The following MYH2 variants were observed in gnomAD, a reference collection of about 807,000 sequenced individuals.
MYH2 encodes myosin-2.
Under a neutral mutation model 228.1 loss-of-function variants are expected in MYH2, and 139 were observed. That is an observed-to-expected ratio of 0.61 (90% CI 0.53 to 0.70). The LOEUF (loss-of-function observed/expected upper bound fraction) is 0.70, where lower values mean the gene tolerates loss of function less well. MYH2 is among the 30% of genes least tolerant of loss of function. MYH2 has a pLI of 0.00. For missense variants in MYH2, 1,809 were observed against 2,357.5 expected, an observed-to-expected ratio of 0.77 and a Z score of 4.82; for synonymous variants, 796 against 871.1, an observed-to-expected ratio of 0.91 and a Z score of 1.52.
intron 16 of MYH2, 144 bp from the exon 17 acceptor site, chr17:10,536,750 C>A: frequency 2.6e-6 from 2 of 781,254 alleles, no homozygotes; most frequent in Non-Finnish European, 4.2e-6. Flanking sequence ...TCTTATTTTT[C>A]AACTAAGTTT....
At position 10,529,883 on chromosome 17, in the gene MYH2, A is replaced by G. The variant is rs146355976; in HGVS notation, c.2889T>C (p.Leu963=). The G allele has an allele frequency of 8.2e-4, 1,315 of 1,613,482 alleles. 6 individuals carry two copies. Among genetic ancestry groups the G allele is most frequent in the South Asian group, 5.2e-3 (473 of 91,064 alleles). The change falls in exon 23 of 40, where the codon CTT becomes CTC. Residue 963 remains leucine, a synonymous_variant. Coordinates refer to ENST00000245503, the MANE Select transcript of MYH2 (RefSeq NM_017534.6). The part of the protein sequence containing the change: ...CSELKKDIDD[L]ELTLAKVEKE... ...TCTCAACCTTGGCCAGTGTCAGCTC[A>G]AGGTCATCAATGTCTTTCTTGAGTT...
rs1211195455 is a variant in MYH2 at position 10,543,903 on chromosome 17, T to C, written c.647A>G (p.Gln216Arg). Residue 216 changes from glutamine (Q) to arginine (R), a missense_variant and splice_region_variant, in exon 7 of 40, where the codon CAG (glutamine) becomes CGG (arginine). This residue lies in a region of MYH2 where 373 missense variants were observed against 620.4 expected (regional missense o/e 0.60). Transcript: ENST00000245503. ...KKEEITSGKI[Q>R]GTLEDQIISA... is the part of the protein sequence containing the mutation. ...TCTGACTGTGACAATCAGACTCACC[T>C]GTATTTTGCCAGAAGTAATTTCTTC... 1.9e-6 allele frequency: 3 copies of C among 1,614,062 alleles called. No homozygotes were observed. The highest frequency in any genetic ancestry group is 2.7e-5 in the African/African-American group (2 of 74,926).
chr17:10,542,874 C>A lies in MYH2; in HGVS notation c.904+1G>T, dbSNP rs879255253. ...TGGAAAAGAATTATGACATTTCTTA[C>A]CAATAAGTTCTGGTTTCTTATTCGA... On this transcript the variant is annotated splice_donor_variant, in intron 10 of 39. Coordinates refer to ENST00000245503, the MANE Select transcript of MYH2 (RefSeq NM_017534.6). LOFTEE classifies it high-confidence loss of function. 1.3e-6 allele frequency: 2 copies of A among 1,576,308 alleles called. No homozygotes were observed. The highest frequency in any genetic ancestry group is 1.1e-5 in the South Asian group (1 of 90,152).
chr17:10,539,498 G>A lies in MYH2; in HGVS notation c.1212C>T (p.Tyr404=). Residue 404 remains tyrosine, a synonymous_variant, in exon 13 of 40, where the codon TAC becomes TAT. Transcript: ENST00000245503. Reference sequence around the variant, plus strand: ...ACTCATTGCCGACCTTGACCCTGGGGTAGCAGAGAGCTTTGAGCAGATCTG... The same window carrying A: ...ACTCATTGCCGACCTTGACCCTGGGATAGCAGAGAGCTTTGAGCAGATCTG... ...NSADLLKALC[Y]PRVKVGNEYV... is the part of the protein sequence containing the mutation. 2.5e-6 allele frequency: 4 copies of A among 1,614,148 alleles called. No individual in the cohort carries two copies. The highest frequency in any genetic ancestry group is 3.4e-6 in the Non-Finnish European group (4 of 1,180,030).
At position 10,535,287 on chromosome 17, in the gene MYH2, T is replaced by C; in HGVS notation, c.2053A>G (p.Lys685Glu). The C allele has an allele frequency of 6.2e-7, 1 of 1,614,158 alleles. No homozygotes were observed. The highest frequency in any genetic ancestry group is 8.5e-7 in the Non-Finnish European group (1 of 1,180,018). The change falls in exon 18 of 40, where the codon AAA becomes GAA. Residue 685 changes from lysine to glutamate, a missense_variant. Physicochemically the swap from Lys to Glu is moderately conservative, Grantham distance 56 (BLOSUM62 1). Coordinates refer to ENST00000245503, the MANE Select transcript of MYH2 (RefSeq NM_017534.6). ...FVRCIIPNETKTPGAMEHELV... is the reference protein window; with the variant it reads ...FVRCIIPNETETPGAMEHELV... ...TTATGGAATTTCTTACCAGGAGTTT[T>C]TGTCTCATTGGGGATGATACACCTC...
rs866962718 is a variant in MYH2 at position 10,528,978 on chromosome 17, G to A, written c.3456C>T (p.Ile1152=). 1 of 1,614,062 alleles carries A rather than the reference G, an allele frequency of 6.2e-7. No individual in the cohort carries two copies. Among genetic ancestry groups the A allele is most frequent in the African/African-American group, 1.3e-5 (1 of 74,942 alleles). ...CACCGGCTTCTTCCAGCCTCTCGCT[G>A]ATCTCCTCCAGCTCCCGGGAGAGGT... ...RSDLSRELEE[I]SERLEEAGGA... The change falls in exon 27 of 40, where the codon ATC becomes ATT. Residue 1152 remains isoleucine, a synonymous_variant. Transcript: ENST00000245503.
chr17:10,547,640 C>T lies in MYH2; in HGVS notation c.205-22G>A, dbSNP rs373848425. 528 of 1,614,086 alleles carry T rather than the reference C, an allele frequency of 3.3e-4. 6 individuals are homozygous for T. The South Asian group carries it at 3.9e-3, about 12-fold the overall frequency. On this transcript the variant is annotated intron_variant, in intron 3 of 39. Transcript: ENST00000245503. ...GAGTCTGGTAAACAGGAAAGATAAC[C>T]GTTTACATTAATTGAGTGACCAAAC...
chr17:10,526,933 A>T lies in MYH2; in HGVS notation c.3990+5T>A. On this transcript the variant is annotated splice_donor_5th_base_variant and intron_variant, in intron 29 of 39. Coordinates refer to ENST00000245503, the MANE Select transcript of MYH2 (RefSeq NM_017534.6). Reference sequence around the variant, plus strand: ...GGAAAAAATCAGTCTTAGAATCATAATTACTTTTATCTCCTCTTCAAGTTG... The same window carrying T: ...GGAAAAAATCAGTCTTAGAATCATATTTACTTTTATCTCCTCTTCAAGTTG... The T allele has an allele frequency of 6.2e-7, 1 of 1,613,820 alleles. No homozygotes were observed. Among genetic ancestry groups the T allele is most frequent in the South Asian group, 1.1e-5 (1 of 91,076 alleles).
At position 10,543,105 on chromosome 17, in the gene MYH2, A is replaced by C. The variant is rs2073578403; in HGVS notation, c.798T>G (p.Ile266Met). The change falls in exon 9 of 40, where the codon ATT (isoleucine) becomes ATG (methionine). Residue 266 changes from isoleucine (I) to methionine (M), a missense_variant. Physicochemically the swap from Ile to Met is conservative, Grantham distance 10. Coordinates refer to ENST00000245503, the MANE Select transcript of MYH2 (RefSeq NM_017534.6). ...AGATATCTGAACACTTACATGTTTC[A>C]ATATCAGCAGATGCCAGTTTTCCAG... ...GTTGKLASAD[I>M]ETYLLEKSRV... 6.2e-7 allele frequency: 1 copy of C among 1,612,048 alleles called. No homozygotes were observed. The highest frequency in any genetic ancestry group is 8.5e-7 in the Non-Finnish European group (1 of 1,178,454).
Position 10,543,861 on chromosome 17 carries a change from C to T in MYH2, c.648+41G>A, listed in dbSNP as rs200896161. On this transcript the variant is annotated intron_variant, in intron 7 of 39. Transcript: ENST00000245503. The stretch of plus-strand genomic sequence containing the variant: ...GCTTGGGAATTTCCTACCTGAGAGT[C>T]CCGACAGAGTCTGGATTCTGACTGT... 5.0e-6 allele frequency: 8 copies of T among 1,614,088 alleles called. No homozygotes were observed. In the East Asian group the frequency reaches 1.3e-4, roughly 27 times the overall value.
intron 14 of MYH2, among the ~76,000 whole-genome samples, chr17:10,538,659 A>C (rs1247207777): frequency 1.3e-5 from 2 of 151,846 alleles, no homozygotes; most frequent in Admixed American, 6.6e-5. Context: ...AAAAAAAAAA[A>C]ATCACCAAAA....
chr17:10,542,684 T>C (rs913749403), intron 10 of MYH2, among the ~76,000 whole-genome samples, 191 bp downstream of exon 10: 6 of 152,222 alleles, frequency 3.9e-5, no homozygotes, highest in African/African-American at 1.4e-4. Flanking sequence ...GATGTTATTT[T>C]CAGTTTTCCT....
Position 10,537,273 on chromosome 17 carries a change from A to C in MYH2, c.1857T>G (p.Thr619=), listed in dbSNP as rs1258271619. The change falls in exon 16 of 40, where the codon ACT becomes ACG. Residue 619 remains threonine, a synonymous_variant. Transcript: ENST00000245503. The surrounding 1 kb of genome is among the most constrained non-coding windows in gnomAD (Gnocchi z 4.0). ...GAGCCCCAGAGAAGAGCTGAGCTAG[A>C]GTTTTCATTGCAGACTTCTGGTACA... ...VGLYQKSAMK[T]LAQLFSGAQT... is the part of the protein sequence containing the mutation. The C allele has an allele frequency of 6.2e-7, 1 of 1,614,110 alleles. No homozygotes were observed. Among genetic ancestry groups the C allele is most frequent in the Non-Finnish European group, 8.5e-7 (1 of 1,180,042 alleles).
In MYH2 at chr17:10,529,077, G is replaced by A; in HGVS notation, c.3357C>T (p.Ala1119=). 3 of 1,614,208 alleles carry A rather than the reference G, an allele frequency of 1.9e-6. No homozygotes were observed. Among genetic ancestry groups the A allele is most frequent in the Non-Finnish European group, 2.5e-6 (3 of 1,180,050 alleles). ...TTTCCTCCTCCAGCTCCTCAATGCG[G>A]GCCTGGGAATGGTGGAAAATACAAA... ...QLQKKIKELQ[A]RIEELEEEIE... is the part of the protein sequence containing the mutation. The change falls in exon 27 of 40, where the codon GCC becomes GCT. Residue 1119 remains alanine, a splice_region_variant and synonymous_variant. Transcript: ENST00000245503.
At chr17:10,540,727 C>T in intron 10 of MYH2, 30 bp from the exon 11 acceptor site, 2 of 1,495,354 alleles carry the variant, frequency 1.3e-6, no homozygotes, top group Non-Finnish European at 1.9e-6. Context: ...CAAAGATAAA[C>T]ATAATTATCT....
intron 2 of MYH2, 131 bp downstream of exon 2, chr17:10,549,244 C>T (rs535580725): frequency 1.3e-5 from 2 of 152,712 alleles, no homozygotes; most frequent in South Asian, 2.1e-4. Flanking sequence ...CCTTTCTCAC[C>T]GCTTTCCTGA....
At chr17:10,538,707 T>C (rs1355418782) in intron 14 of MYH2, among the ~76,000 whole-genome samples, 1 of 151,894 alleles carries the variant, frequency 6.6e-6, no homozygotes, top group Non-Finnish European at 1.5e-5. Flanking sequence ...TTATGTGGAA[T>C]CTTTTTCCTT....
At chr17:10,536,814 C>T (rs1487316218) in intron 16 of MYH2, among the ~76,000 whole-genome samples, 2 of 152,184 alleles carry the variant, frequency 1.3e-5, no homozygotes, top group Admixed American at 1.3e-4. Context: ...CAGGGATATT[C>T]ACCTGACCGT....
At position 10,540,670 on chromosome 17, in the gene MYH2, T is replaced by C. The variant is rs1032112208; in HGVS notation, c.932A>G (p.Tyr311Cys). 9.3e-6 allele frequency: 15 copies of C among 1,612,750 alleles called. No homozygotes were observed. Among genetic ancestry groups the C allele is most frequent in the Non-Finnish European group, 1.3e-5 (15 of 1,178,848 alleles). Reference protein sequence around the residue: ...IEMLLITTNPYDYPFVSQGEI... With the variant: ...IEMLLITTNPCDYPFVSQGEI... ...CCCTTGACTGACAAATGGGTAATCA[T>C]ATGGGTTCGTGGTAATCAGAAGCAT... The change falls in exon 11 of 40, where the codon TAT becomes TGT. Residue 311 changes from tyrosine to cysteine, a missense_variant. Around this residue, in one of 9 missense-constraint regions of MYH2, gnomAD observed 373 missense variants for 620.4 expected, o/e 0.60. Transcript: ENST00000245503.
Sources: gnomAD v4.1 joint callset for allele counts (sites outside exome capture counted in the v4.1 genomes callset) on GRCh38, gnomAD v4.1.1 for gene constraint, gnomAD v4.1.1 regional missense constraint, Gnocchi (gnomAD v3.1) non-coding constraint, MANE v1.5 for transcripts, NCBI Gene and HGNC (gene_info 2026-07-23, HGNC 2026-07-21) for gene names.